Variants in ZNF541 observed in about 807,000 individuals in gnomAD.
ZNF541 encodes zinc finger protein 541.
A neutral mutation model predicts 123.5 loss-of-function variants in ZNF541; 23 were observed. The ratio of observed to expected loss-of-function variants is 0.19; its 90% confidence interval spans 0.13 to 0.26. The LOEUF (loss-of-function observed/expected upper bound fraction) is 0.26. ZNF541 is among the 10% of genes least tolerant of loss of function. The pLI is 1.00. For missense variants in ZNF541, 1,612 were observed against 1,789.9 expected (o/e 0.90, Z 1.79); for synonymous variants, 751 against 754.5 (o/e 1.00, Z 0.08).
At position 47,521,768 on chromosome 19, in the gene ZNF541, C is replaced by T. The variant is rs1346931879; in HGVS notation, c.3711+86G>A. 3 of 1,525,430 alleles carry T rather than the reference C, an allele frequency of 2.0e-6. No homozygotes were observed. Among genetic ancestry groups the T allele is most frequent in the East Asian group, 4.9e-5 (2 of 40,608 alleles). 94.5% of individuals were successfully genotyped at this position (1,525,430 alleles called of 1,614,324 possible). A position where few individuals can be genotyped will look rare whatever the true frequency, so the allele number is the denominator to read the frequency against. On this transcript the variant is annotated intron_variant, in intron 15 of 16. Coordinates refer to ENST00000391901, the MANE Select transcript of ZNF541 (RefSeq NM_001277075.3). This position sits in a 1 kb window ranked among gnomAD's most constrained non-coding sequence, Gnocchi z 4.2. ...GAAAACCCTTCCATCAGGAGCACCCCCGCCCTCTGACCCCACCGTCCAACT... is the reference window on the plus strand; with the variant it reads ...GAAAACCCTTCCATCAGGAGCACCCTCGCCCTCTGACCCCACCGTCCAACT...
intron 12 of ZNF541, 88 bp from the exon 13 acceptor site, chr19:47,529,740 G>A (rs973402048): frequency 3.3e-5 from 43 of 1,289,366 alleles, no homozygotes; most frequent in Non-Finnish European, 4.2e-5. Flanking sequence ...AAACACTTGC[G>A]GCTGTCCCTG....
At chr19:47,532,695 T>C (rs1393108441) in intron 10 of ZNF541, among the ~76,000 whole-genome samples, 1 of 152,010 alleles carries the variant, frequency 6.6e-6, no homozygotes, top group Non-Finnish European at 1.5e-5. Context: ...GAAGGAATAA[T>C]TTGGGGGGAT....
chr19:47,543,826 TAG>T (rs1373203831), intron 5 of ZNF541, among the ~76,000 whole-genome samples: 9 of 151,958 alleles, frequency 5.9e-5, no homozygotes, highest in South Asian at 4.1e-4. Flanking sequence ...AAAATTTTGG[TAG>T]AGACTGGGTT....
At chr19:47,553,793 G>C (rs1457447074) in intron 3 of ZNF541, among the ~76,000 whole-genome samples, 1 of 152,162 alleles carries the variant, frequency 6.6e-6, no homozygotes, top group Admixed American at 6.6e-5. Flanking sequence ...GCCCACCTCA[G>C]CCTCCCAAAG....
At chr19:47,532,582 A>G (rs1969624873) in intron 10 of ZNF541, among the ~76,000 whole-genome samples, 1 of 152,136 alleles carries the variant, frequency 6.6e-6, no homozygotes, top group Middle Eastern at 3.4e-3. Flanking sequence ...ATCCAGCCAC[A>G]TCCCTCAGGC....
intron 4 of ZNF541, among the ~76,000 whole-genome samples, chr19:47,546,725 T>C (rs1316582566): frequency 6.6e-6 from 1 of 151,998 alleles, no homozygotes; most frequent in Non-Finnish European, 1.5e-5. Context: ...TTTAATTAAT[T>C]AATTTTTTGT....
chr19:47,521,524 C>G lies in ZNF541; in HGVS notation c.3842G>C (p.Gly1281Ala), dbSNP rs1041033627. The change falls in exon 16 of 17, where the codon GGA becomes GCA. Residue 1281 changes from glycine to alanine, a missense_variant. Gly to Ala is a moderately conservative substitution (Grantham distance 60, BLOSUM62 0). This residue lies in a region of ZNF541 where 285 missense variants were observed against 407.3 expected (regional missense o/e 0.70). Coordinates refer to ENST00000391901, the MANE Select transcript of ZNF541 (RefSeq NM_001277075.3). The surrounding 1 kb of genome is among the most constrained non-coding windows in gnomAD (Gnocchi z 4.2). ...AGSKRTPELL[G>A]SAESQGIFPC... ...AAAAATGCCCTGGCTCTCTGCACTT[C>G]CCAACAGCTCGGGGGTCCGCTTGGA... The G allele has an allele frequency of 5.8e-6, 9 of 1,551,520 alleles. No individual in the cohort carries two copies. Among genetic ancestry groups the G allele is most frequent in the Non-Finnish European group, 7.0e-6 (8 of 1,146,984 alleles).
intron 2 of ZNF541, among the ~76,000 whole-genome samples, chr19:47,566,921 G>A (rs969450028): frequency 4.8e-5 from 7 of 144,814 alleles, no homozygotes; most frequent in African/African-American, 1.8e-4. Flanking sequence ...CGTGGTGGCG[G>A]GTGCCTGTAG....
intron 2 of ZNF541, among the ~76,000 whole-genome samples, chr19:47,568,905 C>T (rs548770828): frequency 1.1e-3 from 175 of 152,210 alleles, no homozygotes; most frequent in African/African-American, 4.0e-3. Flanking sequence ...CTCCTGACCT[C>T]GTGATCCACC....
At position 47,545,143 on chromosome 19, in the gene ZNF541, G is replaced by A. The variant is rs1435821284; in HGVS notation, c.1386C>T (p.Pro462=). Residue 462 remains proline (P), a synonymous_variant, in exon 5 of 17, where the codon CCC becomes CCT. Transcript: ENST00000391901. This position sits in a 1 kb window ranked among gnomAD's most constrained non-coding sequence, Gnocchi z 7.5. ...CATCCTCCAGGCCACCGCCGGGGCCGGGCGGGGACTCCTCCGAGGGGCTTC... is the reference window on the plus strand; with the variant it reads ...CATCCTCCAGGCCACCGCCGGGGCCAGGCGGGGACTCCTCCGAGGGGCTTC... ...SSGSPSEESP[P]GPGGGLEDAL... 16 of 1,484,014 alleles carry A rather than the reference G, an allele frequency of 1.1e-5. No homozygotes were observed. Among genetic ancestry groups the A allele is most frequent in the Admixed American group, 2.3e-5 (1 of 42,858 alleles). 91.9% of individuals were successfully genotyped at this position (1,484,014 alleles called of 1,614,324 possible).
Position 47,528,913 on chromosome 19 carries a change from A to C in ZNF541, c.3570+37T>G, listed in dbSNP as rs372504690. 51 of 1,510,780 alleles carry C rather than the reference A, an allele frequency of 3.4e-5. No homozygotes were observed. In the African/African-American group the frequency reaches 6.4e-4, roughly 19 times the overall value. 93.6% of individuals were successfully genotyped at this position (1,510,780 alleles called of 1,614,324 possible). On this transcript the variant is annotated intron_variant, in intron 14 of 16. Transcript: ENST00000391901. ...AGCTCTAGCTTGTCTCAGCTGTGTG[A>C]GGCAGGGCCTTGGACACCAGCCCAC...
At chr19:47,573,251 A>C (rs545666244), upstream of ZNF541, among the ~76,000 whole-genome samples, 2 of 151,416 alleles carry the variant, frequency 1.3e-5, no homozygotes, top group East Asian at 2.0e-4. Flanking sequence ...GGGCCGCCTC[A>C]CGCCTCCCAG....
intron 3 of ZNF541, among the ~76,000 whole-genome samples, chr19:47,553,024 G>A (rs929275587): frequency 5.9e-5 from 9 of 151,506 alleles, no homozygotes; most frequent in African/African-American, 1.9e-4. Flanking sequence ...CAGGAGAATC[G>A]CCTGAACCCG....
rs922285468 is a variant in ZNF541, at chr19:47,538,115, C to CAG, written c.3094+25_3094+26dup. On this transcript the variant is annotated intron_variant, in intron 9 of 16. Transcript: ENST00000391901. ...CCGCAGGCAATCCACCCTGGGATCACAGAGTGAGTGCCCCAGCCTCACTCA... is the reference window on the plus strand; with the variant it reads ...CCGCAGGCAATCCACCCTGGGATCACAGAGAGTGAGTGCCCCAGCCTCACTCA... The CAG allele has an allele frequency of 5.8e-6, 9 of 1,548,850 alleles. No homozygotes were observed. The Admixed American group carries it at 1.6e-4, about 27-fold the overall frequency.
intron 5 of ZNF541, among the ~76,000 whole-genome samples, chr19:47,543,805 G>T (rs1970183888): frequency 6.6e-6 from 1 of 151,722 alleles, no homozygotes; most frequent in African/African-American, 2.4e-5. Flanking sequence ...ACCACGCCCA[G>T]CTACTTTTTT....
intron 14 of ZNF541, among the ~76,000 whole-genome samples, chr19:47,526,846 A>T (rs1052306829): frequency 6.6e-6 from 1 of 152,236 alleles, no homozygotes; most frequent in Non-Finnish European, 1.5e-5. Context: ...TCTAGAAAAC[A>T]AAGTACATGT....
chr19:47,548,442 CAAAAAAAAAAAA>C (rs574466068), intron 4 of ZNF541, among the ~76,000 whole-genome samples: 1 of 60,360 alleles, frequency 1.7e-5, no homozygotes, highest in Non-Finnish European at 4.2e-5. Flanking sequence ...GACTCCATCT[CAAAAAAAAAAAA>C]AAAAAAAGAA....
At chr19:47,533,311 G>T (rs1969664100) in intron 9 of ZNF541, among the ~76,000 whole-genome samples, 1 of 129,806 alleles carries the variant, frequency 7.7e-6, no homozygotes. Flanking sequence ...GGTGAGCCGA[G>T]ATCGCGCCAC....
intron 2 of ZNF541, among the ~76,000 whole-genome samples, chr19:47,560,901 T>C (rs1971035250): frequency 1.3e-5 from 2 of 152,066 alleles, no homozygotes; most frequent in Non-Finnish European, 2.9e-5. Context: ...CAATAAGCTA[T>C]CAAACCACAC....
Sources: allele counts gnomAD v4.1 joint callset (sites outside exome capture counted in the v4.1 genomes callset), GRCh38; gene constraint gnomAD v4.1.1; regional missense constraint gnomAD v4.1.1; non-coding constraint Gnocchi (gnomAD v3.1); transcripts MANE v1.5; gene names NCBI Gene and HGNC (gene_info 2026-07-23, HGNC 2026-07-21).